Variants in ABI1 observed in about 807,000 individuals in gnomAD.
ABI1 encodes the protein abl interactor 1.
A neutral mutation model predicts 54.6 loss-of-function variants in ABI1; 14 were observed. The observed-to-expected ratio is 0.26, with a 90% CI of 0.17 to 0.40. The LOEUF is 0.40. Among genes scored for constraint, ABI1 ranks in the 10% least tolerant of loss-of-function variants. ABI1 has a pLI of 1.00. For synonymous variants in ABI1, 194 were observed against 209.3 expected, an observed-to-expected ratio of 0.93 and a Z score of 0.63; for missense variants, 443 against 598.3, an observed-to-expected ratio of 0.74 and a Z score of 2.71.
At chr10:26,844,838 C>T (rs1428296260) in intron 1 of ABI1, among the ~76,000 whole-genome samples, 2 of 152,208 alleles carry the variant, frequency 1.3e-5, no homozygotes, top group Non-Finnish European at 2.9e-5. Flanking sequence ...TGATTCTTAT[C>T]TTCCTTTTCA....
In ABI1 at chr10:26,755,707, C is replaced by A; in HGVS notation, c.1032G>T (p.Gln344His). 1.2e-6 allele frequency: 2 copies of A among 1,613,506 alleles called. No individual in the cohort carries two copies. The highest frequency in any genetic ancestry group is 1.7e-6 in the Non-Finnish European group (2 of 1,179,644). ...SIAPPPPPMP[Q>H]LTPQIPLTGF... ...CTGTGAGAGGTATCTGTGGAGTCAACTGAGGCATAGGGGGAGGGGGTGGAG... is the reference window on the plus strand; with the variant it reads ...CTGTGAGAGGTATCTGTGGAGTCAAATGAGGCATAGGGGGAGGGGGTGGAG... Residue 344 changes from glutamine to histidine, a missense_variant, in exon 9 of 11, where the codon CAG (glutamine) becomes CAT (histidine). This residue lies in a region of ABI1 where 394 missense variants were observed against 484.8 expected (regional missense o/e 0.81). Transcript: ENST00000376140.
chr10:26,761,473 T>C lies in ABI1; in HGVS notation c.821-2235A>G, dbSNP rs538692735. Among the ~76,000 whole-genome samples the C allele has an allele frequency of 2.1e-3, 325 of 151,216 alleles. 1 individual carries two copies. Among genetic ancestry groups the C allele is most frequent in the South Asian group, 7.3e-3 (35 of 4,790 alleles). ...CATGTGAATTATACACATACATGTG[T>C]GTATAAAAAAATTTAAATAATATAC... On this transcript the variant is annotated intron_variant, in intron 7 of 10. Transcript: ENST00000376140.
intron 3 of ABI1, among the ~76,000 whole-genome samples, chr10:26,774,176 G>GTATAATACCTA (rs1467682858): frequency 6.6e-6 from 1 of 151,820 alleles, no homozygotes; most frequent in East Asian, 1.9e-4. Context: ...CCTAATACAA[G>GTATAATACCTA]GTAAATGGTA....
intron 6 of ABI1, among the ~76,000 whole-genome samples, chr10:26,767,432 G>A (rs988544092): frequency 1.6e-4 from 24 of 152,118 alleles, no homozygotes; most frequent in African/African-American, 5.8e-4. Context: ...CCCTGCCCAC[G>A]TTATTAAGTG....
At position 26,751,705 on chromosome 10, in the gene ABI1, G is replaced by C. The variant is rs370908388; in HGVS notation, c.1163C>G (p.Pro388Arg). The change falls in exon 10 of 11, where the codon CCA becomes CGA. Residue 388 changes from proline to arginine, a missense_variant. Physicochemically the swap from Pro to Arg is moderately radical, Grantham distance 103 (BLOSUM62 -2). Coordinates refer to ENST00000376140, the MANE Select transcript of ABI1 (RefSeq NM_001012750.3). ...PMFDDSPPPP[P>R]PPPVDYEDEE... Reference sequence around the variant, plus strand: ...ATCTTCATAATCCACTGGTGGTGGTGGTGGGGGAGGTGGAGAGTCATCAAA... The same window carrying C: ...ATCTTCATAATCCACTGGTGGTGGTCGTGGGGGAGGTGGAGAGTCATCAAA... The C allele has an allele frequency of 6.2e-7, 1 of 1,614,014 alleles. No individual in the cohort carries two copies. The highest frequency in any genetic ancestry group is 1.3e-5 in the African/African-American group (1 of 75,020).
chr10:26,817,861 T>C (rs1176259836), intron 2 of ABI1, among the ~76,000 whole-genome samples: 1 of 151,984 alleles, frequency 6.6e-6, no homozygotes, highest in East Asian at 1.9e-4. Context: ...CTCTGGGCTA[T>C]AAAACAATTC....
intron 3 of ABI1, among the ~76,000 whole-genome samples, chr10:26,773,050 T>C (rs1213282957): frequency 6.6e-6 from 1 of 151,954 alleles, no homozygotes; most frequent in East Asian, 1.9e-4. Flanking sequence ...TGAGACCCTG[T>C]CTCTTTTTAA....
chr10:26,761,241 C>A (rs1443179879), intron 7 of ABI1, among the ~76,000 whole-genome samples: 1 of 151,898 alleles, frequency 6.6e-6, no homozygotes, highest in Non-Finnish European at 1.5e-5. Context: ...CCCAGCCAAC[C>A]ATTTTTAATA....
In ABI1 at chr10:26,860,732, G is replaced by C. The variant is rs767863713; in HGVS notation, c.117+15C>G. 5 of 1,606,644 alleles carry C rather than the reference G, an allele frequency of 3.1e-6. No individual in the cohort carries two copies. Among genetic ancestry groups the C allele is most frequent in the Non-Finnish European group, 2.6e-6 (3 of 1,173,812 alleles). ...TCGACCCGGCCAGCGCCCGCCGGCC[G>C]CCAGAGCGCCTCACCTGTATGTAGT... On this transcript the variant is annotated intron_variant, in intron 1 of 10. Transcript: ENST00000376140. This position sits in a 1 kb window ranked among gnomAD's most constrained non-coding sequence, Gnocchi z 4.1.
At chr10:26,838,313 C>T (rs534931933) in intron 1 of ABI1, among the ~76,000 whole-genome samples, 72 of 152,202 alleles carry the variant, frequency 4.7e-4, no homozygotes, top group African/African-American at 1.5e-3. Context: ...TGAGCCACCG[C>T]ACCCGGCCAA....
chr10:26,803,273 C>A (rs187051227), intron 2 of ABI1, among the ~76,000 whole-genome samples: 3 of 152,224 alleles, frequency 2.0e-5, no homozygotes, highest in East Asian at 3.9e-4. Context: ...TAAGATCAAT[C>A]TTTTATACCA....
chr10:26,773,999 A>T (rs528130155), intron 3 of ABI1, among the ~76,000 whole-genome samples: 1 of 152,300 alleles, frequency 6.6e-6, no homozygotes, highest in East Asian at 1.9e-4. Flanking sequence ...ACAAACACAC[A>T]GTAATCCAGT....
intron 2 of ABI1, among the ~76,000 whole-genome samples, chr10:26,814,866 C>T (rs762684141): frequency 1.7e-4 from 26 of 152,122 alleles, no homozygotes; most frequent in Non-Finnish European, 3.2e-4. Context: ...TTAGTTTATC[C>T]AAGTCCTGAT....
intron 1 of ABI1, chr10:26,839,868 T>C: frequency 3.0e-6 from 2 of 670,558 alleles, no homozygotes. Flanking sequence ...CACGTGCCTG[T>C]AGTCCCAACA....
chr10:26,790,340 A>G (rs1843255875), intron 2 of ABI1, among the ~76,000 whole-genome samples: 1 of 152,084 alleles, frequency 6.6e-6, no homozygotes, highest in Non-Finnish European at 1.5e-5. Context: ...CTGGTATGAG[A>G]TGGTAGCTCA....
intron 1 of ABI1, among the ~76,000 whole-genome samples, chr10:26,830,419 C>G (rs898039554): frequency 2.0e-5 from 3 of 151,854 alleles, no homozygotes; most frequent in Non-Finnish European, 2.9e-5. Flanking sequence ...CTCAGGAGTT[C>G]GAGACCAGCC....
intron 1 of ABI1, among the ~76,000 whole-genome samples, chr10:26,834,671 A>AC (rs1204134360): frequency 9.2e-5 from 14 of 151,888 alleles, no homozygotes; most frequent in Admixed American, 6.6e-5. Flanking sequence ...ACAAATCAAA[A>AC]CCACAATGCA....
chr10:26,780,268 C>T (rs1564489284), intron 2 of ABI1, among the ~76,000 whole-genome samples: 1 of 152,030 alleles, frequency 6.6e-6, no homozygotes, highest in Non-Finnish European at 1.5e-5. Context: ...GCTCTGTCAC[C>T]CAGGCTGGAG....
intron 2 of ABI1, among the ~76,000 whole-genome samples, chr10:26,777,562 A>G (rs749140810): frequency 2.0e-5 from 3 of 152,030 alleles, no homozygotes; most frequent in Non-Finnish European, 4.4e-5. Context: ...GGATTGCTTG[A>G]GTTCAGGAGT....
Sources: gnomAD v4.1 joint callset for allele counts (sites outside exome capture counted in the v4.1 genomes callset) on GRCh38, gnomAD v4.1.1 for gene constraint, gnomAD v4.1.1 regional missense constraint, Gnocchi (gnomAD v3.1) non-coding constraint, MANE v1.5 for transcripts, NCBI Gene and HGNC (gene_info 2026-07-23, HGNC 2026-07-21) for gene names.